Variants in MBD2 observed in about 807,000 individuals in gnomAD.
MBD2 encodes methyl-CpG-binding domain protein 2.
In MBD2, 9 loss-of-function variants were observed where a neutral mutation model predicts 39.3. The observed-to-expected ratio is 0.23, with a 90% CI of 0.14 to 0.40. The LOEUF (loss-of-function observed/expected upper bound fraction) is 0.40, where lower values mean the gene tolerates loss of function less well. Ranked by LOEUF, MBD2 falls within the 10% of genes least tolerant of loss-of-function variation. The pLI is 1.00. For synonymous variants in MBD2, 233 were observed against 211.1 expected (o/e 1.10, Z -0.90); for missense variants, 458 against 532.6 (o/e 0.86, Z 1.38).
At chr18:54,215,071 T>G (rs961370619) in intron 1 of MBD2, among the ~76,000 whole-genome samples, 2 of 152,144 alleles carry the variant, frequency 1.3e-5, no homozygotes, top group African/African-American at 4.8e-5. Context: ...ACTAGATTTA[T>G]AGTTGAGGAA....
At chr18:54,177,423 T>C (rs1202491109) in intron 3 of MBD2, among the ~76,000 whole-genome samples, 4 of 152,094 alleles carry the variant, frequency 2.6e-5, no homozygotes, top group African/African-American at 9.7e-5. Flanking sequence ...TAGTTCTTTA[T>C]AAGAAGATGT....
intron 1 of MBD2, among the ~76,000 whole-genome samples, chr18:54,212,002 C>T (rs950692669): frequency 6.6e-6 from 1 of 152,036 alleles, no homozygotes; most frequent in Non-Finnish European, 1.5e-5. Flanking sequence ...ATTACAGGCG[C>T]CTGCCACCAA....
chr18:54,210,997 A>C (rs1038764969), intron 1 of MBD2, among the ~76,000 whole-genome samples: 1 of 145,668 alleles, frequency 6.9e-6, no homozygotes, highest in African/African-American at 2.5e-5. Context: ...TCAGCCTCCC[A>C]AGTAGCTGGG....
chr18:54,204,711 G>A (rs1445015894), intron 2 of MBD2, among the ~76,000 whole-genome samples: 3 of 152,146 alleles, frequency 2.0e-5, no homozygotes, highest in Non-Finnish European at 4.4e-5. Flanking sequence ...GAACTATTTT[G>A]AGGGGAAAAA....
intron 5 of MBD2, among the ~76,000 whole-genome samples, chr18:54,162,454 C>T (rs2086104141): frequency 6.6e-6 from 1 of 152,160 alleles, no homozygotes; most frequent in African/African-American, 2.4e-5. Context: ...GGAGTATTTT[C>T]TTCCTAATTT....
intron 3 of MBD2, among the ~76,000 whole-genome samples, chr18:54,175,248 T>C (rs2086203775): frequency 6.6e-6 from 1 of 152,270 alleles, no homozygotes; most frequent in Admixed American, 6.5e-5. Flanking sequence ...CTGTTTTTTA[T>C]TGTTTATTTT....
rs961126054 is a variant in MBD2, at chr18:54,208,838, G to C, written c.543-3681C>G. ...TTCCTCTACAGAACAAAACTCATTA[G>C]AGACCAGTTCATTTTAGATCTCTCC... On this transcript the variant is annotated intron_variant, in intron 1 of 6. Transcript: ENST00000256429. Among the ~76,000 whole-genome samples the C allele has an allele frequency of 2.0e-5, 3 of 152,288 alleles. No homozygotes were observed. The East Asian group carries it at 5.8e-4, about 29-fold the overall frequency.
At chr18:54,158,871 G>A (rs186099031) in intron 6 of MBD2, among the ~76,000 whole-genome samples, 1 of 152,154 alleles carries the variant, frequency 6.6e-6, no homozygotes, top group African/African-American at 2.4e-5. Context: ...CAAGTGATCC[G>A]CCTGCCTTGG....
At chr18:54,177,134 G>A (rs2086217339) in intron 3 of MBD2, among the ~76,000 whole-genome samples, 1 of 152,158 alleles carries the variant, frequency 6.6e-6, no homozygotes, top group Admixed American at 6.5e-5. Flanking sequence ...CACAGAAAAA[G>A]CTACAATCAT....
intron 1 of MBD2, among the ~76,000 whole-genome samples, chr18:54,209,898 C>G (rs1313089979): frequency 2.6e-5 from 4 of 152,166 alleles, no homozygotes; most frequent in African/African-American, 4.8e-5. Flanking sequence ...TCAATAATGG[C>G]TGCTGTAGGT....
chr18:54,173,697 T>C (rs746807369), intron 3 of MBD2, among the ~76,000 whole-genome samples: 4 of 152,248 alleles, frequency 2.6e-5, no homozygotes, highest in African/African-American at 9.6e-5. Flanking sequence ...TTGTTTCTCA[T>C]TGGGAGGAAC....
At chr18:54,209,190 G>T (rs2086478748) in intron 1 of MBD2, among the ~76,000 whole-genome samples, 1 of 151,514 alleles carries the variant, frequency 6.6e-6, no homozygotes, top group African/African-American at 2.4e-5. Flanking sequence ...CTGCTACTTG[G>T]GGAGGCTGAG....
intron 3 of MBD2, among the ~76,000 whole-genome samples, chr18:54,176,505 T>C (rs1599083414): frequency 6.6e-6 from 1 of 152,222 alleles, no homozygotes; most frequent in Non-Finnish European, 1.5e-5. Flanking sequence ...TGTCACATAA[T>C]TGTCGATTAA....
In MBD2 at chr18:54,160,254, A is replaced by G. The variant is rs868392368; in HGVS notation, c.1110-351T>C. 7 of 196,586 alleles carry G rather than the reference A, an allele frequency of 3.6e-5. No individual in the cohort carries two copies. In the South Asian group the frequency reaches 5.2e-4, roughly 14 times the overall value. The allele number at this position is 196,586 out of a possible 1,614,324, so 12.2% of individuals were successfully genotyped here. ...AATAACTTAGAAGCAGGAATAAAAGATGGAGGGAACATAAATAACAAAGGA... is the reference window on the plus strand; with the variant it reads ...AATAACTTAGAAGCAGGAATAAAAGGTGGAGGGAACATAAATAACAAAGGA... On this transcript the variant is annotated intron_variant, in intron 5 of 6. Transcript: ENST00000256429.
rs1359963244 is a variant in MBD2, at chr18:54,153,614, CG to C, written c.*1709del. The C allele has an allele frequency of 1.3e-5, 2 of 152,144 alleles. No homozygotes were observed. Among genetic ancestry groups the C allele is most frequent in the Non-Finnish European group, 2.9e-5 (2 of 68,042 alleles). The allele number at this position is 152,144 out of a possible 1,614,324, so 9.4% of individuals were successfully genotyped here. ...CCAACCCTGATCACAAATGAAGAATCGTGGACTCGGGGGAGGAAGAGAAAAG... is the reference window on the plus strand; with the variant it reads ...CCAACCCTGATCACAAATGAAGAATCTGGACTCGGGGGAGGAAGAGAAAAG... On this transcript the variant is annotated 3_prime_UTR_variant, in exon 7 of 7. Coordinates refer to ENST00000256429, the MANE Select transcript of MBD2 (RefSeq NM_003927.5).
rs200382180 is a variant in MBD2, at chr18:54,188,925, A to G, written c.789T>C (p.Pro263=). The part of the protein sequence containing the change: ...KQPVTKVTNH[P]SNKVKSDPQR... The stretch of plus-strand genomic sequence containing the variant: ...GTGGGTCTGATTTCACTTTATTACT[A>G]GGATGATTTGTGACTTTGGTTACCG... The change falls in exon 3 of 7, where the codon CCT becomes CCC. Residue 263 remains proline, a synonymous_variant. Transcript: ENST00000256429. 6.2e-7 allele frequency: 1 copy of G among 1,610,316 alleles called. No individual in the cohort carries two copies. Among genetic ancestry groups the G allele is most frequent in the African/African-American group, 1.3e-5 (1 of 74,982 alleles).
chr18:54,198,925 A>G (rs2086386048), intron 2 of MBD2, among the ~76,000 whole-genome samples: 1 of 152,178 alleles, frequency 6.6e-6, no homozygotes, highest in Non-Finnish European at 1.5e-5. Flanking sequence ...AAGCTTCTTA[A>G]GAGTAGGCCA....
chr18:54,179,765 G>C (rs536985418), intron 3 of MBD2, among the ~76,000 whole-genome samples: 75 of 152,244 alleles, frequency 4.9e-4, no homozygotes, highest in Middle Eastern at 6.8e-3. Flanking sequence ...AAAAAGCCTA[G>C]AGCAAGTATC....
chr18:54,204,347 T>C (rs2086432387), intron 2 of MBD2, among the ~76,000 whole-genome samples: 1 of 152,226 alleles, frequency 6.6e-6, no homozygotes, highest in Admixed American at 6.5e-5. Context: ...CATAATTAAA[T>C]TAGTACAGGC....
Sources: allele counts gnomAD v4.1 joint callset (sites outside exome capture counted in the v4.1 genomes callset), GRCh38; gene constraint gnomAD v4.1.1; transcripts MANE v1.5; gene names NCBI Gene and HGNC (gene_info 2026-07-23, HGNC 2026-07-21).